COL24A1: variants seen among roughly 807,000 people sequenced by gnomAD.
COL24A1 encodes collagen type XXIV alpha 1 chain.
In COL24A1, 224 loss-of-function variants were observed where a neutral mutation model predicts 253.9. The ratio of observed to expected loss-of-function variants is 0.88; its 90% CI spans 0.79 to 0.99. The LOEUF (loss-of-function observed/expected upper bound fraction) is 0.99. Ranked by LOEUF, COL24A1 falls within the 50% of genes least tolerant of loss-of-function variation. The pLI is 0.00. For synonymous variants in COL24A1, 685 were observed against 673.7 expected (o/e 1.02, Z -0.26); for missense variants, 2,131 against 2,068.5 (o/e 1.03, Z -0.59).
At chr1:85,825,456 G>A (rs929589303) in intron 43 of COL24A1, among the ~76,000 whole-genome samples, 2 of 152,144 alleles carry the variant, frequency 1.3e-5, no homozygotes, top group African/African-American at 4.8e-5. Flanking sequence ...GGATGGCTGG[G>A]TCAAATGATA....
At chr1:86,005,116 T>A (rs756735657) in intron 19 of COL24A1, among the ~76,000 whole-genome samples, 7 of 152,190 alleles carry the variant, frequency 4.6e-5, no homozygotes, top group Non-Finnish European at 7.3e-5. Flanking sequence ...AAAGTACCAG[T>A]TGTGGCTCTG....
intron 57 of COL24A1, among the ~76,000 whole-genome samples, chr1:85,741,118 CAAA>C (rs570264288): frequency 9.1e-4 from 77 of 85,078 alleles, no homozygotes; most frequent in Middle Eastern, 6.5e-3. Context: ...AACTCTGCCT[CAAA>C]AAAAAAAAAA....
intron 24 of COL24A1, among the ~76,000 whole-genome samples, chr1:85,926,920 G>C (rs67487620): frequency 0.2 from 30,207 of 152,074 alleles, 3,352 homozygotes; most frequent in Non-Finnish European, 0.24. Context: ...AGAAATCTGT[G>C]TGATGTGGGA....
chr1:85,834,325 GGAGAAAGAAA>G (rs1249801181), intron 43 of COL24A1, among the ~76,000 whole-genome samples: 2 of 151,200 alleles, frequency 1.3e-5, no homozygotes, highest in Non-Finnish European at 3.0e-5. Flanking sequence ...ACAGAGAGAG[GGAGAAAGAAA>G]GAGAAAGAAA....
At chr1:85,901,285 C>T (rs1478543294) in intron 28 of COL24A1, among the ~76,000 whole-genome samples, 6 of 152,012 alleles carry the variant, frequency 3.9e-5, no homozygotes. Flanking sequence ...AAATGGCCAA[C>T]AGACACATGA....
intron 24 of COL24A1, among the ~76,000 whole-genome samples, chr1:85,945,219 G>A (rs377268360): frequency 5.3e-5 from 8 of 150,772 alleles, no homozygotes; most frequent in South Asian, 2.1e-4. Context: ...GGGTTTCACC[G>A]TGTTAGCCAG....
Position 85,761,439 on chromosome 1 carries a change from TA to T in COL24A1, c.4411-18del. ...AGGTGGACCCTAGAACACAGCAAAT[TA>T]AAAAAAATACACATTTATTTAGTAG... is the stretch of plus-strand genomic sequence containing the variant. On this transcript the variant is annotated intron_variant, in intron 54 of 59. Coordinates refer to ENST00000370571, the MANE Select transcript of COL24A1 (RefSeq NM_152890.7). The T allele has an allele frequency of 4.3e-6, 7 of 1,613,084 alleles. No homozygotes were observed. The highest frequency in any genetic ancestry group is 5.1e-6 in the Non-Finnish European group (6 of 1,179,392).
intron 43 of COL24A1, among the ~76,000 whole-genome samples, chr1:85,829,861 G>C (rs1226220992): frequency 6.6e-6 from 1 of 151,948 alleles, no homozygotes; most frequent in Non-Finnish European, 1.5e-5. Flanking sequence ...CTTTGCCTTT[G>C]GTTTGAATTT....
intron 6 of COL24A1, among the ~76,000 whole-genome samples, chr1:86,089,661 A>C (rs963532205): frequency 3.9e-5 from 6 of 152,160 alleles, no homozygotes; most frequent in African/African-American, 1.4e-4. Flanking sequence ...TCTACTAAAA[A>C]TACAAAAAAC....
chr1:85,883,253 T>C (rs1682079723), intron 32 of COL24A1, among the ~76,000 whole-genome samples: 1 of 152,090 alleles, frequency 6.6e-6, no homozygotes, highest in Non-Finnish European at 1.5e-5. Context: ...AGAGTCTCAC[T>C]CTGTCATCCA....
At chr1:85,992,904 A>G (rs1694422598) in intron 19 of COL24A1, among the ~76,000 whole-genome samples, 1 of 152,180 alleles carries the variant, frequency 6.6e-6, no homozygotes, top group Admixed American at 6.5e-5. Flanking sequence ...ATTTTTACCA[A>G]GAAGCAGAAA....
intron 52 of COL24A1, among the ~76,000 whole-genome samples, chr1:85,778,810 G>C (rs1668864232): frequency 6.6e-6 from 1 of 151,892 alleles, no homozygotes; most frequent in African/African-American, 2.4e-5. Flanking sequence ...CACCATGTTG[G>C]CCAGGCTGGT....
At chr1:85,927,234 C>T (rs907967047) in intron 24 of COL24A1, among the ~76,000 whole-genome samples, 4 of 152,064 alleles carry the variant, frequency 2.6e-5, no homozygotes, top group Non-Finnish European at 2.9e-5. Context: ...GCACCGTGCG[C>T]GAGCCGAAGC....
intron 24 of COL24A1, among the ~76,000 whole-genome samples, chr1:85,934,500 C>A (rs531632997): frequency 2.6e-5 from 4 of 152,176 alleles, no homozygotes; most frequent in African/African-American, 9.6e-5. Context: ...TGTACATTTT[C>A]CTACAGATGA....
At chr1:85,775,359 TG>T (rs1292039498) in intron 53 of COL24A1, among the ~76,000 whole-genome samples, 2 of 152,100 alleles carry the variant, frequency 1.3e-5, no homozygotes, top group Admixed American at 1.3e-4. Context: ...TGATTTGGGG[TG>T]GAGAGTTCTG....
intron 6 of COL24A1, 94 bp downstream of exon 6, chr1:86,092,173 C>A (rs1012292792): frequency 1.1e-4 from 98 of 930,934 alleles, no homozygotes; most frequent in Admixed American, 3.3e-4. Context: ...TTTTTCCTGT[C>A]TGATACAGTA....
At chr1:86,051,621 T>A (rs780524806) in intron 10 of COL24A1, among the ~76,000 whole-genome samples, 21 of 152,170 alleles carry the variant, frequency 1.4e-4, no homozygotes, top group Non-Finnish European at 1.9e-4. Context: ...TTTTTTGTTA[T>A]GATGGAAAGT....
At chr1:85,886,773 T>C (rs1682561473) in intron 32 of COL24A1, among the ~76,000 whole-genome samples, 1 of 152,218 alleles carries the variant, frequency 6.6e-6, no homozygotes, top group Non-Finnish European at 1.5e-5. Context: ...TTTCCTTGAT[T>C]GTAATTCTTC....
intron 31 of COL24A1, among the ~76,000 whole-genome samples, chr1:85,889,950 C>T (rs1287668995): frequency 6.6e-6 from 1 of 152,042 alleles, no homozygotes; most frequent in East Asian, 1.9e-4. Context: ...ATTCTATTTT[C>T]TGTCTCCATG....
Sources: gnomAD v4.1 joint callset for allele counts (sites outside exome capture counted in the v4.1 genomes callset) on GRCh38, gnomAD v4.1.1 for gene constraint, MANE v1.5 for transcripts, NCBI Gene and HGNC (gene_info 2026-07-23, HGNC 2026-07-21) for gene names.